Variants in GYS2 observed in about 807,000 individuals in gnomAD.
The protein encoded by GYS2 is glycogen [starch] synthase, liver.
In GYS2, 80 loss-of-function variants were observed where a neutral mutation model predicts 85.6. The ratio of observed to expected loss-of-function variants is 0.93; its 90% CI spans 0.78 to 1.13. The LOEUF (loss-of-function observed/expected upper bound fraction) is 1.13. Among genes scored for constraint, GYS2 ranks in the 50% most tolerant of loss-of-function variants. The probability of loss-of-function intolerance (pLI) is 0.00; values close to 1 mark genes in which losing one functional copy is unlikely to be tolerated. For synonymous variants in GYS2, 328 were observed against 300.7 expected (o/e 1.09, Z -0.94); for missense variants, 881 against 854.9 (o/e 1.03, Z -0.38).
At chr12:21,572,990 G>T (rs904137074) in intron 4 of GYS2, among the ~76,000 whole-genome samples, 3 of 151,990 alleles carry the variant, frequency 2.0e-5, no homozygotes, top group African/African-American at 2.4e-5. Flanking sequence ...ACTATATACC[G>T]CTAAGAACCT....
At chr12:21,543,487 T>A (rs1015495434) in intron 12 of GYS2, among the ~76,000 whole-genome samples, 1 of 152,204 alleles carries the variant, frequency 6.6e-6, no homozygotes, top group African/African-American at 2.4e-5. Flanking sequence ...CTTCTTTTTT[T>A]AATTTTTACA....
downstream of GYS2, among the ~76,000 whole-genome samples, chr12:21,534,241 T>A (rs1435255612): frequency 6.6e-6 from 1 of 152,200 alleles, no homozygotes; most frequent in East Asian, 1.9e-4. Context: ...CCAGGCATGG[T>A]GGCTCATGCC....
intron 2 of GYS2, among the ~76,000 whole-genome samples, chr12:21,576,576 T>A (rs1261855813): frequency 6.6e-6 from 1 of 152,194 alleles, no homozygotes; most frequent in Non-Finnish European, 1.5e-5. Flanking sequence ...GCAAAATGTT[T>A]CCCAGTATGG....
chr12:21,559,285 A>T (rs1944222476), intron 9 of GYS2, 116 bp from the exon 10 acceptor site: 1 of 617,104 alleles, frequency 1.6e-6, no homozygotes, highest in Non-Finnish European at 2.9e-6. Flanking sequence ...AATGTTGATT[A>T]TTCTATTAAG....
chr12:21,541,325 G>A (rs1313671166), intron 13 of GYS2, among the ~76,000 whole-genome samples: 1 of 135,938 alleles, frequency 7.4e-6, no homozygotes, highest in Non-Finnish European at 1.6e-5. Flanking sequence ...TGTATTGGCA[G>A]ACAATATATC....
chr12:21,536,047 G>A (rs1943907195), downstream of GYS2: 1 of 152,044 alleles, frequency 6.6e-6, no homozygotes, highest in Non-Finnish European at 1.5e-5. Flanking sequence ...CATAACAGCT[G>A]CTTCCCACAT....
intron 1 of GYS2, among the ~76,000 whole-genome samples, chr12:21,585,435 T>G (rs2136919857): frequency 6.6e-6 from 1 of 152,142 alleles, no homozygotes; most frequent in South Asian, 2.1e-4. Flanking sequence ...AGCGTATGCA[T>G]GGAATATAGG....
At chr12:21,543,046 A>C (rs1316281308) in intron 12 of GYS2, among the ~76,000 whole-genome samples, 1 of 152,142 alleles carries the variant, frequency 6.6e-6, no homozygotes, top group African/African-American at 2.4e-5. Flanking sequence ...TTCTTCCCCC[A>C]TTTAAATCTC....
intron 13 of GYS2, among the ~76,000 whole-genome samples, chr12:21,541,974 C>T (rs1291932121): frequency 3.9e-5 from 6 of 152,080 alleles, no homozygotes; most frequent in Admixed American, 2.0e-4. Context: ...TATCTGTTCC[C>T]GCATTAATTC....
At chr12:21,586,705 A>G (rs1054360608) in intron 1 of GYS2, among the ~76,000 whole-genome samples, 3 of 152,190 alleles carry the variant, frequency 2.0e-5, no homozygotes, top group African/African-American at 7.2e-5. Flanking sequence ...AGACAAGAAA[A>G]TGCTTATACA....
chr12:21,589,527 C>T (rs746934427), intron 1 of GYS2, among the ~76,000 whole-genome samples: 8 of 152,100 alleles, frequency 5.3e-5, no homozygotes, highest in Non-Finnish European at 7.4e-5. Context: ...TAGAAAATCC[C>T]ACATAAGAGA....
intron 5 of GYS2, among the ~76,000 whole-genome samples, chr12:21,565,169 A>C (rs1012483743): frequency 2.6e-5 from 4 of 151,884 alleles, no homozygotes; most frequent in African/African-American, 9.7e-5. Flanking sequence ...TAACAGAATA[A>C]TCTCACATGC....
At chr12:21,595,029 A>C (rs541029088) in intron 1 of GYS2, among the ~76,000 whole-genome samples, 4 of 152,318 alleles carry the variant, frequency 2.6e-5, no homozygotes, top group South Asian at 2.1e-4. Context: ...GTGCTGAAAA[A>C]ATTGGATATC....
intron 13 of GYS2, among the ~76,000 whole-genome samples, chr12:21,540,895 A>T (rs958725139): frequency 6.6e-6 from 1 of 151,910 alleles, no homozygotes; most frequent in African/African-American, 2.4e-5. Flanking sequence ...TGTGCCTTTT[A>T]TGTTCCCCAG....
intron 1 of GYS2, among the ~76,000 whole-genome samples, chr12:21,584,997 A>C (rs1944557013): frequency 6.6e-6 from 1 of 152,170 alleles, no homozygotes; most frequent in Admixed American, 6.5e-5. Context: ...ACTAGGTGAC[A>C]ATACTTTGCA....
At chr12:21,595,172 T>C (rs767919115) in intron 1 of GYS2, among the ~76,000 whole-genome samples, 2 of 152,164 alleles carry the variant, frequency 1.3e-5, no homozygotes, top group Non-Finnish European at 2.9e-5. Context: ...TAGGCCTAGA[T>C]TGCAGCTCCA....
intron 5 of GYS2, among the ~76,000 whole-genome samples, chr12:21,566,350 CTT>C (rs915482603): frequency 7.0e-6 from 1 of 141,880 alleles, no homozygotes. Context: ...ACTATGTGAT[CTT>C]TTTTTTTTTT....
downstream of GYS2, chr12:21,533,075 T>C (rs1256305085): frequency 6.8e-6 from 1 of 147,548 alleles, no homozygotes; most frequent in Non-Finnish European, 1.5e-5. Context: ...TGTTTTAAAA[T>C]TGGGAATTTT....
intron 1 of GYS2, among the ~76,000 whole-genome samples, chr12:21,582,594 G>GATAGACATAGAT (rs1555159424): frequency 1.0e-4 from 15 of 148,930 alleles, no homozygotes; most frequent in Middle Eastern, 3.4e-3. Context: ...TAGATATAGA[G>GATAGACATAGAT]ATAGATATAG....
Sources: allele counts gnomAD v4.1 joint callset (sites outside exome capture counted in the v4.1 genomes callset), GRCh38; gene constraint gnomAD v4.1.1; transcripts MANE v1.5; gene names NCBI Gene and HGNC (gene_info 2026-07-23, HGNC 2026-07-21).